The following POF1B variants were observed in gnomAD, a reference collection of about 807,000 sequenced individuals.
POF1B encodes protein POF1B.
Under a neutral mutation model 55.3 loss-of-function variants are expected in POF1B, and 53 were observed. That is an observed-to-expected ratio of 0.96 (90% confidence interval 0.77 to 1.20). The LOEUF (loss-of-function observed/expected upper bound fraction) is 1.20. Among genes scored for constraint, POF1B ranks in the 50% most tolerant of loss-of-function variants. The pLI is 0.00. For synonymous variants in POF1B, 188 were observed against 148.3 expected (o/e 1.27, Z -1.95); for missense variants, 478 against 420.5 (o/e 1.14, Z -1.20).
intron 3 of POF1B, among the ~76,000 whole-genome samples, chrX:85,363,002 C>T (rs1933651933): frequency 9.0e-6 from 1 of 110,871 alleles, no homozygotes; most frequent in Middle Eastern, 4.6e-3. Flanking sequence ...GGAATTCACC[C>T]ATCTCTACTA....
chrX:85,282,324 G>T lies in POF1B; in HGVS notation c.1650-7C>A. ...TGGATATTGTGTCCTGTACCTGTTG[G>T]CAAGAAAAGAGTTAGTTTACAGGCT... On this transcript the variant is annotated splice_region_variant and splice_polypyrimidine_tract_variant and intron_variant, in intron 15 of 16. Coordinates refer to ENST00000262753, the MANE Select transcript of POF1B (RefSeq NM_024921.4). 9.1e-7 allele frequency: 1 copy of T among 1,094,639 alleles called. No homozygotes were observed. Among genetic ancestry groups the T allele is most frequent in the South Asian group, 2.3e-5 (1 of 42,872 alleles). 90.2% of individuals were successfully genotyped at this position (1,094,639 alleles called of 1,213,427 possible). A position where few individuals can be genotyped will look rare whatever the true frequency, so the allele number is the denominator to read the frequency against.
chrX:85,344,396 G>T (rs1190487978), intron 6 of POF1B, among the ~76,000 whole-genome samples: 1 of 111,074 alleles, frequency 9.0e-6, no homozygotes, highest in Non-Finnish European at 1.9e-5. Context: ...AGCCTTCCTT[G>T]ATCTCTCAGC....
intron 9 of POF1B, among the ~76,000 whole-genome samples, chrX:85,311,112 A>G (rs1158590835): frequency 8.9e-6 from 1 of 111,992 alleles, no homozygotes; most frequent in Non-Finnish European, 1.9e-5. Context: ...GAAGAAAATC[A>G]TAAAAGAAAG....
chrX:85,349,283 A>G (rs1933332136), intron 5 of POF1B, among the ~76,000 whole-genome samples: 1 of 111,784 alleles, frequency 8.9e-6, no homozygotes, highest in Admixed American at 9.6e-5. Flanking sequence ...CATAAAAAAT[A>G]AAATGAGTTC....
intron 4 of POF1B, among the ~76,000 whole-genome samples, chrX:85,353,222 C>A (rs1332674436): frequency 1.8e-5 from 2 of 110,729 alleles, no homozygotes; most frequent in Non-Finnish European, 3.8e-5. Context: ...GTGAAGGAAA[C>A]AAGACAATTA....
intron 15 of POF1B, among the ~76,000 whole-genome samples, chrX:85,300,043 A>G (rs959705992): frequency 4.4e-5 from 5 of 112,747 alleles, no homozygotes; most frequent in Admixed American, 9.3e-5. Context: ...AAATTGTTTA[A>G]TATCACAACT....
At chrX:85,311,588 T>C (rs1225614535) in intron 9 of POF1B, among the ~76,000 whole-genome samples, 1 of 112,022 alleles carries the variant, frequency 8.9e-6, no homozygotes, top group Admixed American at 9.5e-5. Context: ...TAGTCTATCA[T>C]TGATGGGCAA....
chrX:85,284,465 C>T (rs1931988880), intron 15 of POF1B, among the ~76,000 whole-genome samples: 1 of 111,485 alleles, frequency 9.0e-6, no homozygotes, highest in Admixed American at 9.5e-5. Flanking sequence ...GAAATATAGA[C>T]CAATGGAACA....
rs1273841894 is a variant in POF1B at position 85,379,412 on chromosome X, CA to C, written c.42del (p.Cys14TrpfsTer34). The C allele has an allele frequency of 8.3e-7, 1 of 1,207,012 alleles. No individual in the cohort carries two copies. Among genetic ancestry groups the C allele is most frequent in the Non-Finnish European group, 1.1e-6 (1 of 894,545 alleles). ...SYWSETSSSSCGTQQLPEVLQ... is the reference protein window; with the variant it reads ...SYWSETSSSSXGTQQLPEVLQ... Reference sequence around the variant, plus strand: ...AGCACCTCTGGGAGCTGCTGGGTTCCACAGCTGCTGCTGCTCGTCTCACTCC... The same window carrying C: ...AGCACCTCTGGGAGCTGCTGGGTTCCCAGCTGCTGCTGCTCGTCTCACTCC... On this transcript the variant is annotated frameshift_variant, in exon 2 of 17. Transcript: ENST00000262753. LOFTEE classifies it high-confidence loss of function.
chrX:85,340,894 G>GA (rs1316068370), intron 6 of POF1B, among the ~76,000 whole-genome samples: 21 of 110,801 alleles, frequency 1.9e-4, no homozygotes. Context: ...CCAAGCAAAT[G>GA]AAAAAAATTA....
chrX:85,306,463 T>C (rs1237915041), intron 11 of POF1B, 130 bp from the exon 12 acceptor site: 1 of 587,594 alleles, frequency 1.7e-6, no homozygotes, highest in Non-Finnish European at 2.6e-6. Flanking sequence ...ACTCTGGGTC[T>C]TAGATGGTAC....
intron 16 of POF1B, 62 bp downstream of exon 16, chrX:85,282,141 C>T: frequency 9.6e-7 from 1 of 1,046,953 alleles, no homozygotes; most frequent in Non-Finnish European, 1.2e-6. Flanking sequence ...TATTTTACCT[C>T]AATTTTAAAA....
intron 9 of POF1B, 52 bp downstream of exon 9, chrX:85,314,380 G>A: frequency 1.0e-6 from 1 of 957,643 alleles, no homozygotes; most frequent in Non-Finnish European, 1.4e-6. Context: ...AGCAACCTAG[G>A]AAGCTGTTTG....
chrX:85,338,813 T>C (rs764413386), intron 6 of POF1B, among the ~76,000 whole-genome samples: 1 of 111,174 alleles, frequency 9.0e-6, no homozygotes, highest in African/African-American at 3.3e-5. Context: ...ATATTAAGAC[T>C]AGTAAATAAA....
Position 85,354,412 on chromosome X carries a change from C to T in POF1B, c.439-2961G>A, listed in dbSNP as rs192208358. ...AGTGAGAAGGAATGATATGAACCTTCATCTTAGGAATGTAATCATCCTCTA... is the reference window on the plus strand; with the variant it reads ...AGTGAGAAGGAATGATATGAACCTTTATCTTAGGAATGTAATCATCCTCTA... On this transcript the variant is annotated intron_variant, in intron 4 of 16. Transcript: ENST00000262753. 1.3e-3 allele frequency among the ~76,000 whole-genome samples: 141 copies of T among 110,527 alleles called. 1 individual carries two copies. In the Admixed American group the frequency reaches 0.013, roughly 10 times the overall value.
intron 15 of POF1B, among the ~76,000 whole-genome samples, chrX:85,285,970 A>G (rs1932044696): frequency 8.9e-6 from 1 of 111,857 alleles, no homozygotes; most frequent in Non-Finnish European, 1.9e-5. Flanking sequence ...AGGGAAAATG[A>G]TACAAGATAG....
At chrX:85,324,617 G>T (rs1429107063) in intron 7 of POF1B, among the ~76,000 whole-genome samples, 1 of 111,171 alleles carries the variant, frequency 9.0e-6, no homozygotes, top group African/African-American at 3.3e-5. Flanking sequence ...TATGTCACAT[G>T]AGTCTCTTGA....
intron 16 of POF1B, among the ~76,000 whole-genome samples, chrX:85,280,262 G>A (rs1040530505): frequency 9.0e-6 from 1 of 111,347 alleles, no homozygotes; most frequent in African/African-American, 3.2e-5. Context: ...ATGTTTAGAT[G>A]TTTAATTTTA....
intron 3 of POF1B, among the ~76,000 whole-genome samples, chrX:85,365,296 A>G (rs1177327114): frequency 1.8e-5 from 2 of 111,989 alleles, no homozygotes; most frequent in Non-Finnish European, 3.8e-5. Context: ...TTGTTGAAGA[A>G]CAAGTGTGAT....
Sources: gnomAD v4.1 joint callset for allele counts (sites outside exome capture counted in the v4.1 genomes callset) on GRCh38, gnomAD v4.1.1 for gene constraint, MANE v1.5 for transcripts, NCBI Gene and HGNC (gene_info 2026-07-23, HGNC 2026-07-21) for gene names.